KCNT2: variants seen among roughly 807,000 people sequenced by gnomAD.
KCNT2 encodes the protein potassium channel subfamily T member 2.
Under a neutral mutation model 153.8 loss-of-function variants are expected in KCNT2, and 67 were observed. The observed-to-expected ratio is 0.44, with a 90% CI of 0.36 to 0.53. The LOEUF is 0.53. Ranked by LOEUF, KCNT2 falls within the 20% of genes least tolerant of loss-of-function variation. KCNT2 has a pLI of 0.00. For missense variants in KCNT2, 975 were observed against 1,354.8 expected, an observed-to-expected ratio of 0.72 and a Z score of 4.40; for synonymous variants, 500 against 458.8, an observed-to-expected ratio of 1.09 and a Z score of -1.15.
intron 12 of KCNT2, among the ~76,000 whole-genome samples, chr1:196,409,192 T>C (rs2148475623): frequency 6.6e-6 from 1 of 151,500 alleles, no homozygotes; most frequent in South Asian, 2.1e-4. Flanking sequence ...TATATATGAT[T>C]AGTATTTGTG....
intron 1 of KCNT2, among the ~76,000 whole-genome samples, chr1:196,604,032 C>T (rs544854446): frequency 1.8e-4 from 28 of 152,238 alleles, no homozygotes; most frequent in Admixed American, 1.7e-3. Flanking sequence ...ACCTATAATC[C>T]CAGCACTTTG....
intron 14 of KCNT2, 68 bp from the exon 15 acceptor site, chr1:196,342,296 G>T (rs527263104): frequency 1.4e-6 from 2 of 1,406,168 alleles, no homozygotes; most frequent in Non-Finnish European, 2.0e-6. Flanking sequence ...TTAAAAAACA[G>T]TTGTTATAGA....
chr1:196,465,401 G>T lies in KCNT2; in HGVS notation c.544-14C>A. 6.8e-7 allele frequency: 1 copy of T among 1,477,990 alleles called. No individual in the cohort carries two copies. The highest frequency in any genetic ancestry group is 9.4e-7 in the Non-Finnish European group (1 of 1,065,362). 91.6% of individuals were successfully genotyped at this position (1,477,990 alleles called of 1,614,324 possible). On this transcript the variant is annotated splice_polypyrimidine_tract_variant and intron_variant, in intron 7 of 27. Coordinates refer to ENST00000294725, the MANE Select transcript of KCNT2 (RefSeq NM_198503.5). Reference sequence around the variant, plus strand: ...GTGTAGATCATTCTAAAATAATACAGAAAAAAAGTTGTAAATTTTGATAAA... The same window carrying T: ...GTGTAGATCATTCTAAAATAATACATAAAAAAAGTTGTAAATTTTGATAAA...
intron 11 of KCNT2, among the ~76,000 whole-genome samples, chr1:196,423,319 T>A (rs1259696131): frequency 6.6e-6 from 1 of 151,950 alleles, no homozygotes; most frequent in Non-Finnish European, 1.5e-5. Context: ...TTGGGTTGTC[T>A]ATTATAACTT....
At chr1:196,445,397 A>G (rs1198524580) in intron 8 of KCNT2, among the ~76,000 whole-genome samples, 3 of 151,390 alleles carry the variant, frequency 2.0e-5, no homozygotes, top group Non-Finnish European at 4.4e-5. Context: ...TCTGGAAATT[A>G]AATGAGGCAC....
intron 18 of KCNT2, among the ~76,000 whole-genome samples, chr1:196,328,479 T>C (rs1350014571): frequency 6.6e-6 from 1 of 151,872 alleles, no homozygotes; most frequent in East Asian, 1.9e-4. Context: ...CTGAGAGTTT[T>C]TGAGATGTGA....
intron 26 of KCNT2, among the ~76,000 whole-genome samples, chr1:196,244,662 G>C (rs1045999397): frequency 6.6e-6 from 1 of 152,122 alleles, no homozygotes. Flanking sequence ...CTGTGGTTTT[G>C]GTGCCAGGCC....
chr1:196,451,407 A>ATTTTTTTTTTTTT (rs35621901), intron 8 of KCNT2, among the ~76,000 whole-genome samples: 10 of 62,874 alleles, frequency 1.6e-4, no homozygotes, highest in African/African-American at 3.4e-4. Flanking sequence ...CACCCAACAC[A>ATTTTTTTTTTTTT]TTTTTTTTTT....
At chr1:196,255,134 A>G (rs1484880362) in intron 26 of KCNT2, among the ~76,000 whole-genome samples, 2 of 151,696 alleles carry the variant, frequency 1.3e-5, no homozygotes, top group African/African-American at 4.8e-5. Flanking sequence ...TGAGCGTGAG[A>G]GTCAGTCTAA....
intron 25 of KCNT2, among the ~76,000 whole-genome samples, chr1:196,276,573 G>A (rs1658591045): frequency 6.6e-6 from 1 of 151,702 alleles, no homozygotes; most frequent in Non-Finnish European, 1.5e-5. Flanking sequence ...TCTTGTCGCT[G>A]GTTTCCATAA....
At chr1:196,373,398 G>C (rs1342787857) in intron 13 of KCNT2, 150 bp from the exon 14 acceptor site, 4 of 573,274 alleles carry the variant, frequency 7.0e-6, no homozygotes, top group Non-Finnish European at 9.5e-6. Context: ...TTTATCCCCA[G>C]GAAATATATC....
chr1:196,335,869 C>T (rs150238363), intron 16 of KCNT2, among the ~76,000 whole-genome samples: 1 of 152,138 alleles, frequency 6.6e-6, no homozygotes, highest in South Asian at 2.1e-4. Context: ...AACTTCAATT[C>T]TACTGATGAT....
intron 12 of KCNT2, among the ~76,000 whole-genome samples, chr1:196,415,069 T>G (rs557049987): frequency 6.6e-6 from 1 of 152,042 alleles, no homozygotes; most frequent in African/African-American, 2.4e-5. Flanking sequence ...TTGCTTATTC[T>G]CTTCAAGAAC....
intron 19 of KCNT2, among the ~76,000 whole-genome samples, chr1:196,320,731 T>C (rs1663219259): frequency 6.6e-6 from 1 of 151,584 alleles, no homozygotes; most frequent in South Asian, 2.1e-4. Flanking sequence ...AAAAAACTTG[T>C]AAAGAATACC....
At chr1:196,594,987 T>C (rs576757432) in intron 1 of KCNT2, among the ~76,000 whole-genome samples, 5 of 152,078 alleles carry the variant, frequency 3.3e-5, no homozygotes, top group Admixed American at 1.3e-4. Context: ...GGTAAAATCA[T>C]GTTTAAGAAG....
At chr1:196,336,337 T>C (rs1665030542) in intron 16 of KCNT2, among the ~76,000 whole-genome samples, 2 of 152,116 alleles carry the variant, frequency 1.3e-5, no homozygotes, top group South Asian at 4.1e-4. Context: ...CTTTGACACC[T>C]GTACCTTGGC....
intron 1 of KCNT2, among the ~76,000 whole-genome samples, chr1:196,598,479 T>C (rs950101898): frequency 1.3e-5 from 2 of 152,200 alleles, no homozygotes; most frequent in Admixed American, 6.5e-5. Flanking sequence ...GAGGTTTTTC[T>C]TTCAGAAAGT....
intron 1 of KCNT2, among the ~76,000 whole-genome samples, chr1:196,534,553 C>A (rs1016287834): frequency 7.2e-5 from 11 of 151,970 alleles, no homozygotes; most frequent in Non-Finnish European, 1.2e-4. Flanking sequence ...AGAAAGCTGT[C>A]GTGAACTAAT....
intron 14 of KCNT2, among the ~76,000 whole-genome samples, chr1:196,365,284 CAATAA>C (rs2148292193): frequency 6.6e-6 from 1 of 152,034 alleles, no homozygotes; most frequent in African/African-American, 2.4e-5. Context: ...AAGGCCTCTT[CAATAA>C]TTCTTTCTTC....
Sources: allele counts gnomAD v4.1 joint callset (sites outside exome capture counted in the v4.1 genomes callset), GRCh38; gene constraint gnomAD v4.1.1; transcripts MANE v1.5; gene names NCBI Gene and HGNC (gene_info 2026-07-23, HGNC 2026-07-21).